LRP1B: variants seen among roughly 807,000 people sequenced by gnomAD.
LRP1B encodes the protein low-density lipoprotein receptor-related protein 1B.
A neutral mutation model predicts 556.6 loss-of-function variants in LRP1B; 217 were observed. The ratio of observed to expected loss-of-function variants is 0.39; its 90% CI spans 0.35 to 0.44. The LOEUF (loss-of-function observed/expected upper bound fraction) is 0.44, where lower values mean the gene tolerates loss of function less well. Among genes scored for constraint, LRP1B ranks in the 20% least tolerant of loss-of-function variants. The pLI is 1.00. For missense variants in LRP1B, 5,053 were observed against 5,620.8 expected, an observed-to-expected ratio of 0.90 and a Z score of 3.23; for synonymous variants, 2,047 against 1,865.8, an observed-to-expected ratio of 1.10 and a Z score of -2.50.
intron 32 of LRP1B, among the ~76,000 whole-genome samples, chr2:140,789,845 T>C (rs1690049780): frequency 6.6e-6 from 1 of 151,640 alleles, no homozygotes; most frequent in African/African-American, 2.4e-5. Context: ...TTAGCCGGGA[T>C]GGTCTCGATC....
intron 77 of LRP1B, among the ~76,000 whole-genome samples, chr2:140,341,402 T>C (rs1681384206): frequency 6.6e-6 from 1 of 151,496 alleles, no homozygotes; most frequent in South Asian, 2.1e-4. Flanking sequence ...TTCTTCAGTC[T>C]TTCTTTGAGC....
chr2:140,619,757 C>T (rs1683387586), intron 41 of LRP1B, among the ~76,000 whole-genome samples: 1 of 152,042 alleles, frequency 6.6e-6, no homozygotes, highest in Admixed American at 6.6e-5. Flanking sequence ...CAGAGGTGTA[C>T]AATACATTAT....
intron 1 of LRP1B, among the ~76,000 whole-genome samples, chr2:141,931,002 A>T (rs1025713034): frequency 5.1e-4 from 77 of 152,110 alleles, no homozygotes; most frequent in African/African-American, 1.5e-3. Flanking sequence ...CAGCATGCTG[A>T]TTCTTTTCCC....
At chr2:141,158,400 T>G (rs1022353226) in intron 7 of LRP1B, among the ~76,000 whole-genome samples, 21 of 152,176 alleles carry the variant, frequency 1.4e-4, no homozygotes, top group African/African-American at 5.1e-4. Flanking sequence ...TTTAAGTGCA[T>G]AGAAAAGGTG....
chr2:141,433,726 A>G (rs1362683830), intron 3 of LRP1B, among the ~76,000 whole-genome samples: 1 of 150,102 alleles, frequency 6.7e-6, no homozygotes, highest in Non-Finnish European at 1.5e-5. Flanking sequence ...CTTTATGACT[A>G]TATGTCTGAG....
At chr2:142,028,201 T>C (rs1326807728) in intron 1 of LRP1B, among the ~76,000 whole-genome samples, 1 of 151,954 alleles carries the variant, frequency 6.6e-6, no homozygotes, top group Non-Finnish European at 1.5e-5. Flanking sequence ...ACAATTTACA[T>C]AGAATAAACG....
At chr2:141,803,069 T>A (rs1458519600) in intron 2 of LRP1B, among the ~76,000 whole-genome samples, 1 of 151,982 alleles carries the variant, frequency 6.6e-6, no homozygotes, top group South Asian at 2.1e-4. Flanking sequence ...CTGAGGGACA[T>A]GTGTCCCCTT....
rs922867843 is a variant in LRP1B, at chr2:141,894,318, T to C, written c.83-83917A>G. Among the ~76,000 whole-genome samples, 12 of 152,092 alleles carry C rather than the reference T, an allele frequency of 7.9e-5. No individual in the cohort carries two copies. The East Asian group carries it at 1.6e-3, about 20-fold the overall frequency. ...AAGTCTCAAAACTGCCTCTAAATCA[T>C]AAAAATTTTCCCTCCCTCCCTCCTT... On this transcript the variant is annotated intron_variant, in intron 1 of 90. Transcript: ENST00000389484.
chr2:140,890,403 A>T (rs1320209916), intron 23 of LRP1B, among the ~76,000 whole-genome samples: 1 of 152,202 alleles, frequency 6.6e-6, no homozygotes, highest in Non-Finnish European at 1.5e-5. Flanking sequence ...TGAGTTTATA[A>T]AATGAAAAGT....
At chr2:141,738,091 G>C (rs867295935) in intron 2 of LRP1B, among the ~76,000 whole-genome samples, 2 of 152,034 alleles carry the variant, frequency 1.3e-5, no homozygotes, top group African/African-American at 4.8e-5. Flanking sequence ...ATTATCCACA[G>C]ATCAGTACTA....
chr2:140,808,352 T>A (rs200275421), intron 32 of LRP1B, among the ~76,000 whole-genome samples: 5 of 152,002 alleles, frequency 3.3e-5, no homozygotes, highest in African/African-American at 7.3e-5. Flanking sequence ...TATATTTTTT[T>A]AAAAAACAAA....
At chr2:140,574,056 T>C (rs1334836231) in intron 43 of LRP1B, among the ~76,000 whole-genome samples, 2 of 152,198 alleles carry the variant, frequency 1.3e-5, no homozygotes, top group East Asian at 3.9e-4. Context: ...ATGTTTTACT[T>C]TCTCTATATG....
intron 1 of LRP1B, among the ~76,000 whole-genome samples, chr2:141,978,581 A>T (rs1413077149): frequency 6.6e-6 from 1 of 151,988 alleles, no homozygotes; most frequent in Non-Finnish European, 1.5e-5. Flanking sequence ...AGGTATGAAA[A>T]TACAGGGCAG....
intron 83 of LRP1B, among the ~76,000 whole-genome samples, chr2:140,299,496 G>A (rs1322280700): frequency 1.3e-5 from 2 of 151,966 alleles, no homozygotes; most frequent in Non-Finnish European, 2.9e-5. Context: ...TTTTATATAC[G>A]TTAAACGCTG....
At chr2:141,148,791 T>C (rs1057338551) in intron 7 of LRP1B, among the ~76,000 whole-genome samples, 1 of 151,956 alleles carries the variant, frequency 6.6e-6, no homozygotes, top group African/African-American at 2.4e-5. Flanking sequence ...CTTATAGAAA[T>C]AATACAAGGA....
chr2:141,589,386 G>T (rs986998034), intron 2 of LRP1B, among the ~76,000 whole-genome samples: 22 of 152,138 alleles, frequency 1.4e-4, no homozygotes, highest in Middle Eastern at 3.4e-3. Context: ...AAGTTTGTAG[G>T]TCTGTTTGCC....
rs948026323 is a variant in LRP1B at position 140,632,453 on chromosome 2, T to C, written c.6800-30814A>G. ...CTATTTGAGAGTGACCTTAGATTAATTGTAAATGTTTATTGCAAACCATAG... is the reference window on the plus strand; with the variant it reads ...CTATTTGAGAGTGACCTTAGATTAACTGTAAATGTTTATTGCAAACCATAG... On this transcript the variant is annotated intron_variant, in intron 41 of 90. Coordinates refer to ENST00000389484, the MANE Select transcript of LRP1B (RefSeq NM_018557.3). 7.2e-5 allele frequency among the ~76,000 whole-genome samples: 11 copies of C among 152,086 alleles called. 1 individual carries two copies. The highest frequency in any genetic ancestry group is 5.9e-4 in the Admixed American group (9 of 15,266).
intron 1 of LRP1B, among the ~76,000 whole-genome samples, chr2:142,095,917 G>A (rs763806054): frequency 2.0e-5 from 3 of 151,614 alleles, no homozygotes; most frequent in Admixed American, 6.6e-5. Flanking sequence ...CTCAGGATCC[G>A]ATATGAAATT....
intron 20 of LRP1B, among the ~76,000 whole-genome samples, chr2:140,927,982 T>C (rs371033372): frequency 1.3e-3 from 198 of 152,088 alleles, no homozygotes; most frequent in African/African-American, 4.5e-3. Context: ...CTGACCTCAG[T>C]TGATCTGCCC....
Sources: allele counts gnomAD v4.1 joint callset (sites outside exome capture counted in the v4.1 genomes callset), GRCh38; gene constraint gnomAD v4.1.1; transcripts MANE v1.5; gene names NCBI Gene and HGNC (gene_info 2026-07-23, HGNC 2026-07-21).